Variants in SYT17 observed in about 807,000 individuals in gnomAD.
The protein encoded by SYT17 is synaptotagmin 17, also known as synaptotagmin-17.
Under a neutral mutation model 46.7 loss-of-function variants are expected in SYT17, and 22 were observed. The observed-to-expected ratio is 0.47, with a 90% CI of 0.34 to 0.67. The LOEUF is 0.67. SYT17 is among the 30% of genes least tolerant of loss of function. SYT17 has a pLI of 0.01. For missense variants in SYT17, 519 were observed against 612.8 expected (o/e 0.85, Z 1.62); for synonymous variants, 251 against 248.4 (o/e 1.01, Z -0.10).
At chr16:19,255,397 C>T (rs62025408) in intron 7 of SYT17, among the ~76,000 whole-genome samples, 7,304 of 152,210 alleles carry the variant, frequency 0.048, 258 homozygotes, top group Non-Finnish European at 0.073. Context: ...GAGCTCTACC[C>T]GCTAGAGGCC....
Position 19,208,685 on chromosome 16 carries a change from C to G in SYT17, c.952-14360C>G, listed in dbSNP as rs375821843. ...TGGCAAAGCTATTATCTGTACCAGGCCTCTGTCACAGTGTCTGGTGGTTGG... is the reference window on the plus strand; with the variant it reads ...TGGCAAAGCTATTATCTGTACCAGGGCTCTGTCACAGTGTCTGGTGGTTGG... On this transcript the variant is annotated intron_variant, in intron 5 of 7. Coordinates refer to ENST00000355377, the MANE Select transcript of SYT17 (RefSeq NM_016524.4). Among the ~76,000 whole-genome samples the G allele has an allele frequency of 2.0e-5, 3 of 151,964 alleles. No individual in the cohort carries two copies. In the South Asian group the frequency reaches 6.2e-4, roughly 32 times the overall value.
At chr16:19,233,872 C>A (rs1252407438) in intron 7 of SYT17, among the ~76,000 whole-genome samples, 1 of 152,146 alleles carries the variant, frequency 6.6e-6, no homozygotes, top group African/African-American at 2.4e-5. Context: ...CACAGCCCAC[C>A]CATGACATAC....
intron 7 of SYT17, among the ~76,000 whole-genome samples, chr16:19,237,783 T>C (rs760946307): frequency 6.6e-6 from 1 of 152,202 alleles, no homozygotes; most frequent in African/African-American, 2.4e-5. Flanking sequence ...GGAACCCTCA[T>C]GGACTAAGCC....
chr16:19,194,173 C>G (rs1425788119), intron 5 of SYT17, among the ~76,000 whole-genome samples: 3 of 152,164 alleles, frequency 2.0e-5, no homozygotes, highest in Non-Finnish European at 2.9e-5. Flanking sequence ...AGATGCCAGT[C>G]CCCCCTTCTT....
intron 5 of SYT17, among the ~76,000 whole-genome samples, chr16:19,184,486 C>A (rs574886897): frequency 6.6e-6 from 1 of 151,734 alleles, no homozygotes; most frequent in Admixed American, 6.6e-5. Flanking sequence ...CCCAGGTTCA[C>A]GCCATTCTCC....
intron 5 of SYT17, among the ~76,000 whole-genome samples, chr16:19,207,296 A>G (rs1233886201): frequency 6.6e-6 from 1 of 152,192 alleles, no homozygotes; most frequent in Non-Finnish European, 1.5e-5. Flanking sequence ...ATTCTTCTAT[A>G]GCAATGCAAA....
At chr16:19,237,101 T>G (rs1165336726) in intron 7 of SYT17, among the ~76,000 whole-genome samples, 2 of 152,218 alleles carry the variant, frequency 1.3e-5, no homozygotes, top group Non-Finnish European at 2.9e-5. Flanking sequence ...GTAAGATTAC[T>G]TTTTCACTGT....
intron 3 of SYT17, among the ~76,000 whole-genome samples, chr16:19,175,732 A>C: frequency 6.6e-6 from 1 of 151,708 alleles, no homozygotes; most frequent in East Asian, 1.9e-4. Context: ...AGCTATGCTC[A>C]CAAGAATGCT....
intron 1 of SYT17, chr16:19,169,943 C>G (rs1280785884): frequency 6.6e-6 from 1 of 152,162 alleles, no homozygotes; most frequent in Admixed American, 6.5e-5. Flanking sequence ...TAATGGCCGC[C>G]TTCAGCACAG....
At chr16:19,194,932 C>G (rs1567206858) in intron 5 of SYT17, among the ~76,000 whole-genome samples, 1 of 152,142 alleles carries the variant, frequency 6.6e-6, no homozygotes, top group Non-Finnish European at 1.5e-5. Flanking sequence ...ATCTTTGGCA[C>G]TTGGAAGGAA....
intron 5 of SYT17, among the ~76,000 whole-genome samples, chr16:19,196,231 G>A (rs555661441): frequency 7.6e-5 from 11 of 144,988 alleles, no homozygotes; most frequent in Admixed American, 1.4e-4. Context: ...CAGGCAGACA[G>A]TCGATAGAAG....
At chr16:19,169,061 G>C (rs1019589341) in intron 1 of SYT17, among the ~76,000 whole-genome samples, 1 of 151,998 alleles carries the variant, frequency 6.6e-6, no homozygotes, top group Non-Finnish European at 1.5e-5. Context: ...GACGGCTCCG[G>C]CTAATTGGCC....
At chr16:19,248,201 G>A (rs1030152464) in intron 7 of SYT17, among the ~76,000 whole-genome samples, 1 of 152,184 alleles carries the variant, frequency 6.6e-6, no homozygotes, top group Non-Finnish European at 1.5e-5. Context: ...GTACAGTTAA[G>A]TTTAAAAGAT....
chr16:19,247,156 T>A (rs558558635), intron 7 of SYT17, among the ~76,000 whole-genome samples: 120 of 152,230 alleles, frequency 7.9e-4, no homozygotes, highest in African/African-American at 2.7e-3. Context: ...AGAGATCAAG[T>A]GATTGAGGTG....
chr16:19,195,398 AC>A lies in SYT17; in HGVS notation c.951+11253del, dbSNP rs536990986. ...TAAAAATCAAAACAAAACAAAACAA[AC>A]CTTTTTTTTTTTTTTTTAAGAGATT... On this transcript the variant is annotated intron_variant, in intron 5 of 7. Coordinates refer to ENST00000355377, the MANE Select transcript of SYT17 (RefSeq NM_016524.4). Among the ~76,000 whole-genome samples, 579 of 143,266 alleles carry A rather than the reference AC, an allele frequency of 4.0e-3. 5 individuals carry two copies. The highest frequency in any genetic ancestry group is 0.014 in the African/African-American group (538 of 37,312). The allele number at this position is 143,266 out of a possible 152,430, so 94.0% of individuals were successfully genotyped here.
intron 5 of SYT17, among the ~76,000 whole-genome samples, chr16:19,198,359 T>C (rs1234410862): frequency 6.6e-6 from 1 of 152,210 alleles, no homozygotes; most frequent in Admixed American, 6.5e-5. Context: ...TGGTGCCATA[T>C]CATGGTCAAA....
chr16:19,202,933 A>G (rs909937734), intron 5 of SYT17, among the ~76,000 whole-genome samples: 1 of 152,024 alleles, frequency 6.6e-6, no homozygotes, highest in African/African-American at 2.4e-5. Flanking sequence ...GCCCAGGCTG[A>G]TCTCAAGCTT....
chr16:19,184,171 T>C, intron 5 of SYT17, 24 bp downstream of exon 5: 1 of 1,577,418 alleles, frequency 6.3e-7, no homozygotes, highest in Non-Finnish European at 8.6e-7. Flanking sequence ...TTGTGGTGTT[T>C]CCTCCTGGGA....
intron 7 of SYT17, among the ~76,000 whole-genome samples, chr16:19,266,359 G>A (rs1414022135): frequency 6.6e-6 from 1 of 152,222 alleles, no homozygotes; most frequent in African/African-American, 2.4e-5. Context: ...TAGTACGTAG[G>A]TACCCGGGAT....
Sources: gnomAD v4.1 joint callset for allele counts (sites outside exome capture counted in the v4.1 genomes callset) on GRCh38, gnomAD v4.1.1 for gene constraint, MANE v1.5 for transcripts, NCBI Gene and HGNC (gene_info 2026-07-23, HGNC 2026-07-21) for gene names.